The following GREM1 variants were observed in gnomAD, a reference collection of about 807,000 sequenced individuals.
GREM1 encodes the protein gremlin 1, DAN family BMP antagonist.
A neutral mutation model predicts 13.1 loss-of-function variants in GREM1; 6 were observed. The observed-to-expected ratio is 0.46, with a 90% CI of 0.25 to 0.91. The LOEUF (loss-of-function observed/expected upper bound fraction) is 0.91. GREM1 is among the 40% of genes least tolerant of loss of function. The pLI is 0.18. For synonymous variants in GREM1, 98 were observed against 93.7 expected, an observed-to-expected ratio of 1.05 and a Z score of -0.27; for missense variants, 185 against 233.9, an observed-to-expected ratio of 0.79 and a Z score of 1.36.
rs748146251 is a variant in GREM1, at chr15:32,731,204, C to T, written c.514C>T (p.Arg172Cys). 2 of 1,614,114 alleles carry T rather than the reference C, an allele frequency of 1.2e-6. No homozygotes were observed. The highest frequency in any genetic ancestry group is 3.3e-5 in the Admixed American group (2 of 60,020). Residue 172 changes from arginine (R) to cysteine (C), a missense_variant, in exon 2 of 2, where the codon CGT becomes TGT. Transcript: ENST00000651154. ...ACCTACCAAGAAGAAGAGAGTCACACGTGTGAAGCAGTGTCGTTGCATATC... is the reference window on the plus strand; with the variant it reads ...ACCTACCAAGAAGAAGAGAGTCACATGTGTGAAGCAGTGTCGTTGCATATC... Reference protein sequence around the residue: ...QPPTKKKRVTRVKQCRCISID... With the variant: ...QPPTKKKRVTCVKQCRCISID...
chr15:32,726,965 T>C lies in GREM1; in HGVS notation c.-1-3725T>C, dbSNP rs181754960. On this transcript the variant is annotated intron_variant, in intron 1 of 1. Transcript: ENST00000651154. ...CTCCCAAGACTAAACCAGGAAGAAG[T>C]TGAATCCCTGAATAGACCAATAGCA... Among the ~76,000 whole-genome samples, 171 of 152,226 alleles carry C rather than the reference T, an allele frequency of 1.1e-3. 1 individual carries two copies. Among genetic ancestry groups the C allele is most frequent in the African/African-American group, 3.9e-3 (161 of 41,528 alleles).
chr15:32,745,040 A>G lies in GREM1; in HGVS notation c.*13795A>G, dbSNP rs959599673. On this transcript the variant is annotated 3_prime_UTR_variant, in exon 2 of 2. Coordinates refer to ENST00000651154, the MANE Select transcript of GREM1 (RefSeq NM_013372.7). The stretch of plus-strand genomic sequence containing the variant: ...ATTTTGAGAGAAAGGCAAGATAGAT[A>G]TTTAAATGACCCCTATTTTAGTGGT... 6.6e-6 allele frequency: 1 copy of G among 152,242 alleles called. No homozygotes were observed. Among genetic ancestry groups the G allele is most frequent in the African/African-American group, 2.4e-5 (1 of 41,464 alleles). The allele number at this position is 152,242 out of a possible 1,614,324, so 9.4% of individuals were successfully genotyped here.
rs2055669936 is a variant in GREM1, at chr15:32,734,374, T to C, written c.*3129T>C. ...GAAAAGTGGATAAACAGAACATTTA[T>C]AAGTGATCAGTTAATGCCTAAGAGT... On this transcript the variant is annotated 3_prime_UTR_variant, in exon 2 of 2. Coordinates refer to ENST00000651154, the MANE Select transcript of GREM1 (RefSeq NM_013372.7). 4.1e-6 allele frequency: 1 copy of C among 246,542 alleles called. No individual in the cohort carries two copies. The highest frequency in any genetic ancestry group is 2.2e-5 in the African/African-American group (1 of 45,286). The allele number at this position is 246,542 out of a possible 1,614,324, so 15.3% of individuals were successfully genotyped here. A position where few individuals can be genotyped will look rare whatever the true frequency, so the allele number is the denominator to read the frequency against.
At chr15:32,725,870 C>G (rs903119604) in intron 1 of GREM1, among the ~76,000 whole-genome samples, 30 of 151,314 alleles carry the variant, frequency 2.0e-4, no homozygotes, top group African/African-American at 7.3e-4. Context: ...GCCGGTTTTC[C>G]CAACGTTATT....
rs2055663159 is a variant in GREM1 at position 32,733,909 on chromosome 15, A to G, written c.*2664A>G. ...GTTACTGTAGGTCTTCAAAGTTAAG[A>G]GTGTAAGTGAAAAATCTGGAGGAGA... On this transcript the variant is annotated 3_prime_UTR_variant, in exon 2 of 2. Transcript: ENST00000651154. The G allele has an allele frequency of 4.2e-6, 1 of 240,316 alleles. No individual in the cohort carries two copies. Among genetic ancestry groups the G allele is most frequent in the African/African-American group, 2.2e-5 (1 of 45,072 alleles). 14.9% of individuals were successfully genotyped at this position (240,316 alleles called of 1,614,324 possible).
intron 1 of GREM1, among the ~76,000 whole-genome samples, chr15:32,726,821 G>C (rs151264249): frequency 6.6e-6 from 1 of 151,530 alleles, no homozygotes; most frequent in African/African-American, 2.4e-5. Flanking sequence ...AGTGATAAAG[G>C]GGATATCACC....
rs1421409721 is a variant in GREM1, at chr15:32,744,482, G to T, written c.*13237G>T. On this transcript the variant is annotated 3_prime_UTR_variant, in exon 2 of 2. Coordinates refer to ENST00000651154, the MANE Select transcript of GREM1 (RefSeq NM_013372.7). ...CAGCTACTCGGGAGGCTGAGGCAGG[G>T]GAATGGCGTGAACCCGGGAGACGGA... 6.6e-6 allele frequency: 1 copy of T among 151,486 alleles called. No homozygotes were observed. The highest frequency in any genetic ancestry group is 1.5e-5 in the Non-Finnish European group (1 of 67,978). 9.4% of individuals were successfully genotyped at this position (151,486 alleles called of 1,614,324 possible). A position where few individuals can be genotyped will look rare whatever the true frequency, so the allele number is the denominator to read the frequency against.
At position 32,734,676 on chromosome 15, in the gene GREM1, A is replaced by C. The variant is rs1199475804; in HGVS notation, c.*3431A>C. ...TAAACCTATTCTTTCTGTGTGTGTG[A>C]GCGTGCGTTTGTGTTTGGTAGTGTT... On this transcript the variant is annotated 3_prime_UTR_variant, in exon 2 of 2. Coordinates refer to ENST00000651154, the MANE Select transcript of GREM1 (RefSeq NM_013372.7). 4.3e-6 allele frequency: 1 copy of C among 232,240 alleles called. No individual in the cohort carries two copies. The highest frequency in any genetic ancestry group is 8.9e-6 in the Non-Finnish European group (1 of 112,460). The allele number at this position is 232,240 out of a possible 1,614,324, so 14.4% of individuals were successfully genotyped here. A position where few individuals can be genotyped will look rare whatever the true frequency, so the allele number is the denominator to read the frequency against.
intron 1 of GREM1, among the ~76,000 whole-genome samples, chr15:32,725,286 C>G (rs1235569416): frequency 6.6e-6 from 1 of 152,198 alleles, no homozygotes; most frequent in Non-Finnish European, 1.5e-5. Context: ...TCCACATCCT[C>G]TCCAACATCT....
At chr15:32,720,596 G>A (rs112451285) in intron 1 of GREM1, among the ~76,000 whole-genome samples, 5 of 152,210 alleles carry the variant, frequency 3.3e-5, no homozygotes, top group East Asian at 1.9e-4. Flanking sequence ...CTACCAGCCC[G>A]TGTCTTCGAT....
chr15:32,740,244 C>A lies in GREM1; in HGVS notation c.*8999C>A, dbSNP rs1418895018. The stretch of plus-strand genomic sequence containing the variant: ...AATAATCATACGAAGATGTTCCAAA[C>A]CAAAGAACAAGATAAATCTCTGGAA... On this transcript the variant is annotated 3_prime_UTR_variant, in exon 2 of 2. Coordinates refer to ENST00000651154, the MANE Select transcript of GREM1 (RefSeq NM_013372.7). The A allele has an allele frequency of 6.6e-6, 1 of 152,046 alleles. No homozygotes were observed. Among genetic ancestry groups the A allele is most frequent in the African/African-American group, 2.4e-5 (1 of 41,390 alleles). 9.4% of individuals were successfully genotyped at this position (152,046 alleles called of 1,614,324 possible).
rs1042416265 is a variant in GREM1, at chr15:32,731,393, G to T, written c.*148G>T. The T allele has an allele frequency of 1.6e-6, 1 of 639,316 alleles. No homozygotes were observed. Among genetic ancestry groups the T allele is most frequent in the Non-Finnish European group, 2.8e-6 (1 of 358,206 alleles). The allele number at this position is 639,316 out of a possible 1,614,324, so 39.6% of individuals were successfully genotyped here. A position where few individuals can be genotyped will look rare whatever the true frequency, so the allele number is the denominator to read the frequency against. On this transcript the variant is annotated 3_prime_UTR_variant, in exon 2 of 2. Transcript: ENST00000651154. ...GCAGGAGCCTGCTTGTGCGTAGTTCGTGTGCATGAGTGTGGATGGGTGCCT... is the reference window on the plus strand; with the variant it reads ...GCAGGAGCCTGCTTGTGCGTAGTTCTTGTGCATGAGTGTGGATGGGTGCCT...
chr15:32,744,979 T>C lies in GREM1; in HGVS notation c.*13734T>C, dbSNP rs1412210962. 6.6e-6 allele frequency: 1 copy of C among 152,192 alleles called. No individual in the cohort carries two copies. Among genetic ancestry groups the C allele is most frequent in the Non-Finnish European group, 1.5e-5 (1 of 68,038 alleles). The allele number at this position is 152,192 out of a possible 1,614,324, so 9.4% of individuals were successfully genotyped here. A position where few individuals can be genotyped will look rare whatever the true frequency, so the allele number is the denominator to read the frequency against. ...ATTGCTTTAAAATAAGAACAAAATG[T>C]ACTTTGACACACATCATTTTGTTTG... is the stretch of plus-strand genomic sequence containing the variant. On this transcript the variant is annotated 3_prime_UTR_variant, in exon 2 of 2. Transcript: ENST00000651154.
rs987167435 is a variant in GREM1 at position 32,718,007 on chromosome 15, C to T, written c.-156C>T. ...GGGAGACGGCGCGATGCCTGGCACT[C>T]GGTGCGCCTTCCGCGGACCGGGCGA... On this transcript the variant is annotated 5_prime_UTR_variant, in exon 1 of 2. Transcript: ENST00000651154. 2.8e-6 allele frequency: 3 copies of T among 1,074,298 alleles called. No individual in the cohort carries two copies. Among genetic ancestry groups the T allele is most frequent in the Non-Finnish European group, 3.4e-6 (3 of 885,768 alleles). The allele number at this position is 1,074,298 out of a possible 1,614,324, so 66.5% of individuals were successfully genotyped here. A position where few individuals can be genotyped will look rare whatever the true frequency, so the allele number is the denominator to read the frequency against.
At chr15:32,722,819 G>C (rs1470601641) in intron 1 of GREM1, among the ~76,000 whole-genome samples, 2 of 152,218 alleles carry the variant, frequency 1.3e-5, no homozygotes, top group African/African-American at 4.8e-5. Flanking sequence ...AGACTTGCTG[G>C]TGGACAGTTG....
Position 32,733,040 on chromosome 15 carries a change from A to T in GREM1, c.*1795A>T, listed in dbSNP as rs997943181. 6 of 229,256 alleles carry T rather than the reference A, an allele frequency of 2.6e-5. No individual in the cohort carries two copies. The highest frequency in any genetic ancestry group is 1.4e-4 in the African/African-American group (6 of 44,372). 14.2% of individuals were successfully genotyped at this position (229,256 alleles called of 1,614,324 possible). A position where few individuals can be genotyped will look rare whatever the true frequency, so the allele number is the denominator to read the frequency against. On this transcript the variant is annotated 3_prime_UTR_variant, in exon 2 of 2. Transcript: ENST00000651154. ...TTTTGTTTTGATCCAGTGCTCTCCC[A>T]TCTAACAACTAAACAGGAGCCATTT...
At chr15:32,725,990 G>T (rs1001019737) in intron 1 of GREM1, among the ~76,000 whole-genome samples, 1 of 152,098 alleles carries the variant, frequency 6.6e-6, no homozygotes, top group African/African-American at 2.4e-5. Context: ...TGTTCCATTG[G>T]TCTGTATATC....
At chr15:32,724,193 A>C (rs956081030) in intron 1 of GREM1, among the ~76,000 whole-genome samples, 2 of 152,228 alleles carry the variant, frequency 1.3e-5, no homozygotes, top group Non-Finnish European at 2.9e-5. Context: ...AGAAAGCCTT[A>C]AGTTGGTTCA....
At position 32,739,957 on chromosome 15, in the gene GREM1, G is replaced by T. The variant is rs2055747058; in HGVS notation, c.*8712G>T. The stretch of plus-strand genomic sequence containing the variant: ...AATTGGTACTATCTAGCTACCTGGG[G>T]AAGGACAGAGACAGAGGTTTAGACC... On this transcript the variant is annotated 3_prime_UTR_variant, in exon 2 of 2. Transcript: ENST00000651154. 1.3e-5 allele frequency: 2 copies of T among 152,252 alleles called. No individual in the cohort carries two copies. Among genetic ancestry groups the T allele is most frequent in the African/African-American group, 4.8e-5 (2 of 41,446 alleles). The allele number at this position is 152,252 out of a possible 1,614,324, so 9.4% of individuals were successfully genotyped here.
Sources: allele counts gnomAD v4.1 joint callset (sites outside exome capture counted in the v4.1 genomes callset), GRCh38; gene constraint gnomAD v4.1.1; transcripts MANE v1.5; gene names NCBI Gene and HGNC (gene_info 2026-07-23, HGNC 2026-07-21).